Variants in ADIPOR2 observed in about 807,000 individuals in gnomAD.
ADIPOR2 encodes the protein adiponectin receptor protein 2.
Under a neutral mutation model 40.9 loss-of-function variants are expected in ADIPOR2, and 18 were observed. That is an observed-to-expected ratio of 0.44 (90% CI 0.30 to 0.65). The LOEUF is 0.65. Ranked by LOEUF, ADIPOR2 falls within the 30% of genes least tolerant of loss-of-function variation. The pLI, the probability that ADIPOR2 is intolerant of heterozygous loss-of-function variation, is 0.09. For synonymous variants in ADIPOR2, 165 were observed against 166.4 expected (o/e 0.99, Z 0.06); for missense variants, 283 against 479.2 (o/e 0.59, Z 3.82).
At chr12:1,741,363 G>T (rs1039373762) in intron 1 of ADIPOR2, among the ~76,000 whole-genome samples, 13 of 151,966 alleles carry the variant, frequency 8.6e-5, no homozygotes, top group African/African-American at 2.9e-4. Context: ...AAGAGAAAAA[G>T]AAAGGGAAAT....
At chr12:1,785,801 G>A in intron 7 of ADIPOR2, 143 bp from the exon 8 acceptor site, 1 of 1,116,088 alleles carries the variant, frequency 9.0e-7, no homozygotes, top group Non-Finnish European at 1.3e-6. Context: ...CAGGATCTGT[G>A]GACGCCTTGA....
chr12:1,740,598 T>C (rs942748833), intron 1 of ADIPOR2, among the ~76,000 whole-genome samples: 24 of 152,200 alleles, frequency 1.6e-4, no homozygotes, highest in African/African-American at 4.3e-4. Flanking sequence ...ACTTAACATA[T>C]GAATTTTGAG....
intron 1 of ADIPOR2, among the ~76,000 whole-genome samples, chr12:1,692,880 T>G (rs1340951286): frequency 6.6e-6 from 1 of 152,178 alleles, no homozygotes; most frequent in African/African-American, 2.4e-5. Context: ...TTAGGCCTGG[T>G]GCGATCGCTC....
chr12:1,777,382 CTTTTTTTTTTTTTTTT>C (rs59141974), intron 3 of ADIPOR2, among the ~76,000 whole-genome samples: 46 of 98,730 alleles, frequency 4.7e-4, no homozygotes, highest in African/African-American at 1.5e-3. Context: ...TTTTTTCTTT[CTTTTTTTTTTTTTTTT>C]TTTTTGAGGC....
intron 1 of ADIPOR2, among the ~76,000 whole-genome samples, chr12:1,743,572 G>A (rs1323814736): frequency 6.6e-6 from 1 of 151,868 alleles, no homozygotes; most frequent in East Asian, 1.9e-4. Flanking sequence ...TCTGGATGGA[G>A]GCTGAGGCGG....
intron 1 of ADIPOR2, among the ~76,000 whole-genome samples, chr12:1,706,709 A>G (rs138191222): frequency 1.1e-3 from 171 of 152,296 alleles, no homozygotes; most frequent in African/African-American, 3.9e-3. Flanking sequence ...TAATCAAGGT[A>G]ATGGAATTTC....
chr12:1,742,005 TAAAAAA>T (rs71055190), intron 1 of ADIPOR2, among the ~76,000 whole-genome samples: 1 of 146,522 alleles, frequency 6.8e-6, no homozygotes, highest in African/African-American at 2.5e-5. Context: ...ACTGAAAAGT[TAAAAAA>T]AAAAAAAGAC....
At chr12:1,762,039 C>T (rs949105120) in intron 2 of ADIPOR2, among the ~76,000 whole-genome samples, 10 of 152,174 alleles carry the variant, frequency 6.6e-5, no homozygotes, top group African/African-American at 2.4e-4. Flanking sequence ...GTTCATTGAG[C>T]TGCAGCCGCA....
chr12:1,765,226 C>T (rs1351161257), intron 2 of ADIPOR2, among the ~76,000 whole-genome samples: 1 of 152,102 alleles, frequency 6.6e-6, no homozygotes, highest in Non-Finnish European at 1.5e-5. Flanking sequence ...TTTTGTGATT[C>T]ACGCAGCACC....
chr12:1,699,646 C>T (rs904248054), intron 1 of ADIPOR2, among the ~76,000 whole-genome samples: 4 of 152,090 alleles, frequency 2.6e-5, no homozygotes, highest in Admixed American at 6.6e-5. Flanking sequence ...AGCGAAACTC[C>T]GTCTTAAAAA....
At chr12:1,709,435 C>T (rs1322390865) in intron 1 of ADIPOR2, among the ~76,000 whole-genome samples, 2 of 152,054 alleles carry the variant, frequency 1.3e-5, no homozygotes, top group Non-Finnish European at 2.9e-5. Context: ...GGTGGTCTGT[C>T]TAGCATGTAG....
chr12:1,778,544 T>C (rs939847310), intron 4 of ADIPOR2: 1 of 152,144 alleles, frequency 6.6e-6, no homozygotes, highest in African/African-American at 2.4e-5. Context: ...AACTCACATA[T>C]GCAAAAGTGA....
chr12:1,747,270 A>G (rs1306996149), intron 1 of ADIPOR2, among the ~76,000 whole-genome samples: 1 of 152,198 alleles, frequency 6.6e-6, no homozygotes, highest in Non-Finnish European at 1.5e-5. Flanking sequence ...GCCTTTTCTA[A>G]TCACAATGGA....
At chr12:1,730,468 T>C (rs1475603928) in intron 1 of ADIPOR2, among the ~76,000 whole-genome samples, 2 of 150,448 alleles carry the variant, frequency 1.3e-5, no homozygotes, top group Non-Finnish European at 3.0e-5. Context: ...ATACAAAAAA[T>C]TAGCTGGGCG....
intron 1 of ADIPOR2, among the ~76,000 whole-genome samples, chr12:1,727,392 G>A (rs1280097990): frequency 1.3e-5 from 2 of 152,216 alleles, no homozygotes; most frequent in African/African-American, 4.8e-5. Flanking sequence ...GAGAAATGTA[G>A]TAGGGTGTAT....
rs1359861275 is a variant in ADIPOR2 at position 1,735,195 on chromosome 12, A to T, written c.-86-19063A>T. On this transcript the variant is annotated intron_variant, in intron 1 of 7. Transcript: ENST00000357103. ...ATAAATTACCTTGGGCAGTACGGCC[A>T]TTTTCACGATACTGATTCTTCCTAC... Among the ~76,000 whole-genome samples the T allele has an allele frequency of 6.6e-5, 10 of 152,262 alleles. No individual in the cohort carries two copies. The East Asian group carries it at 1.9e-3, about 29-fold the overall frequency.
intron 1 of ADIPOR2, among the ~76,000 whole-genome samples, chr12:1,724,647 T>C (rs1220161646): frequency 6.6e-6 from 1 of 152,182 alleles, no homozygotes; most frequent in Admixed American, 6.6e-5. Context: ...AAATTTTATG[T>C]TATGTGTATT....
intron 1 of ADIPOR2, among the ~76,000 whole-genome samples, chr12:1,729,062 C>T (rs1176671315): frequency 6.6e-6 from 1 of 150,582 alleles, no homozygotes; most frequent in Admixed American, 6.6e-5. Flanking sequence ...ATCTTTTTTC[C>T]CCCTCTACCC....
At chr12:1,764,745 G>A (rs1275370946) in intron 2 of ADIPOR2, among the ~76,000 whole-genome samples, 1 of 151,952 alleles carries the variant, frequency 6.6e-6, no homozygotes, top group Non-Finnish European at 1.5e-5. Flanking sequence ...CTAATGGCAT[G>A]GATTAATTTT....
Sources: gnomAD v4.1 joint callset for allele counts (sites outside exome capture counted in the v4.1 genomes callset) on GRCh38, gnomAD v4.1.1 for gene constraint, MANE v1.5 for transcripts, NCBI Gene and HGNC (gene_info 2026-07-23, HGNC 2026-07-21) for gene names.